Variants in LMO7 observed in about 807,000 individuals in gnomAD.
LMO7 encodes LIM domain 7, also known as LIM domain only protein 7.
In LMO7, 120 loss-of-function variants were observed where a neutral mutation model predicts 206.5. That is an observed-to-expected ratio of 0.58 (90% CI 0.50 to 0.68). The LOEUF is 0.68. Ranked by LOEUF, LMO7 falls within the 30% of genes least tolerant of loss-of-function variation. The probability of loss-of-function intolerance (pLI) is 0.00; values close to 1 mark genes in which losing one functional copy is unlikely to be tolerated. For missense variants in LMO7, 1,959 were observed against 1,957.9 expected (o/e 1.00, Z -0.01); for synonymous variants, 706 against 681.5 (o/e 1.04, Z -0.56).
At chr13:75,821,639 G>C (rs1566545323) in intron 14 of LMO7, 30 bp downstream of exon 14, 3 of 1,513,112 alleles carry the variant, frequency 2.0e-6, no homozygotes, top group Non-Finnish European at 1.8e-6. Flanking sequence ...CATTTAGTCT[G>C]TTCTGAAGAG....
intron 4 of LMO7, among the ~76,000 whole-genome samples, chr13:75,782,474 G>A (rs540173084): frequency 3.3e-5 from 5 of 152,318 alleles, no homozygotes; most frequent in South Asian, 4.1e-4. Context: ...AACTGCATTG[G>A]TGATAAAATT....
intron 1 of LMO7, among the ~76,000 whole-genome samples, chr13:75,699,389 T>C (rs1210907056): frequency 6.8e-6 from 1 of 146,740 alleles, no homozygotes; most frequent in Non-Finnish European, 1.5e-5. Flanking sequence ...TTCTTTACAA[T>C]TTCCAAGATA....
intron 1 of LMO7, chr13:75,688,543 T>C (rs1476519908): frequency 6.6e-6 from 1 of 152,396 alleles, no homozygotes; most frequent in Non-Finnish European, 1.5e-5. Flanking sequence ...TGAAGAAGGC[T>C]GGCCAAGATA....
At chr13:75,852,273 C>T (rs367612435) in intron 27 of LMO7, among the ~76,000 whole-genome samples, 11 of 152,132 alleles carry the variant, frequency 7.2e-5, no homozygotes, top group Admixed American at 4.6e-4. Context: ...CACTTGTAAG[C>T]GGGAGCTAAA....
intron 19 of LMO7, among the ~76,000 whole-genome samples, chr13:75,837,432 G>C (rs753455891): frequency 2.0e-4 from 30 of 152,148 alleles, no homozygotes; most frequent in Non-Finnish European, 4.0e-4. Flanking sequence ...CTATACGTGG[G>C]CCCTGTCATT....
At chr13:75,751,351 A>G (rs929456710) in intron 3 of LMO7, among the ~76,000 whole-genome samples, 2 of 151,700 alleles carry the variant, frequency 1.3e-5, no homozygotes, top group Non-Finnish European at 2.9e-5. Context: ...TAGTAGAGAC[A>G]GGGTTTCACC....
rs34127474 is a variant in LMO7 at position 75,847,029 on chromosome 13, C to CAA, written c.4150+1667_4150+1668dup. 1.9e-3 allele frequency among the ~76,000 whole-genome samples: 217 copies of CAA among 112,424 alleles called. 2 individuals are homozygous for CAA. The highest frequency in any genetic ancestry group is 5.9e-3 in the African/African-American group (173 of 29,224). 73.8% of individuals were successfully genotyped at this position (112,424 alleles called of 152,430 possible). On this transcript the variant is annotated intron_variant, in intron 26 of 30. Transcript: ENST00000377534. Reference sequence around the variant, plus strand: ...CTGGGTGACGGAGCAGACTCTGTCTCAAAAAAAAAAAAAAAAAAGGCAACA... The same window carrying CAA: ...CTGGGTGACGGAGCAGACTCTGTCTCAAAAAAAAAAAAAAAAAAAAGGCAACA...
chr13:75,679,907 TTTTTA>T (rs925858322), intron 1 of LMO7, among the ~76,000 whole-genome samples: 9 of 152,136 alleles, frequency 5.9e-5, no homozygotes, highest in East Asian at 1.9e-4. Context: ...TTTAAAAAAA[TTTTTA>T]TTTTATTTTA....
intron 27 of LMO7, among the ~76,000 whole-genome samples, chr13:75,849,691 T>G (rs759376253): frequency 3.0e-4 from 46 of 152,272 alleles, no homozygotes; most frequent in Non-Finnish European, 5.3e-4. Flanking sequence ...TTTATATTTC[T>G]AATGAGATAA....
intron 15 of LMO7, among the ~76,000 whole-genome samples, chr13:75,824,720 G>A (rs1248691740): frequency 2.6e-5 from 4 of 151,948 alleles, no homozygotes; most frequent in African/African-American, 4.8e-5. Flanking sequence ...CTTTGGCTTG[G>A]TTTAGTATTC....
chr13:75,642,698 A>G (rs1290061404), intron 1 of LMO7, among the ~76,000 whole-genome samples: 2 of 152,224 alleles, frequency 1.3e-5, no homozygotes, highest in Non-Finnish European at 2.9e-5. Context: ...GATACACATT[A>G]TAAAGATACC....
intron 4 of LMO7, among the ~76,000 whole-genome samples, chr13:75,784,401 A>G (rs1413002304): frequency 1.2e-4 from 18 of 152,126 alleles, no homozygotes; most frequent in Non-Finnish European, 1.5e-5. Context: ...AGGGTTTGGA[A>G]TCTCATTTGG....
chr13:75,670,192 A>G (rs1000873576), intron 1 of LMO7, among the ~76,000 whole-genome samples: 1 of 152,206 alleles, frequency 6.6e-6, no homozygotes, highest in Non-Finnish European at 1.5e-5. Context: ...ATGAATTAGT[A>G]TGGGAATCAG....
In LMO7 at chr13:75,623,322, T is replaced by C. The variant is rs7982750; in HGVS notation, c.225+2T>C. The C allele has an allele frequency of 0.011, 15,233 of 1,392,994 alleles. 1,163 individuals are homozygous for C. In the African/African-American group the frequency reaches 0.18, roughly 16 times the overall value. 86.3% of individuals were successfully genotyped at this position (1,392,994 alleles called of 1,614,324 possible). A position where few individuals can be genotyped will look rare whatever the true frequency, so the allele number is the denominator to read the frequency against. ...TCAGGAAGGACTATTCTCATTAAGGTAATATTTTTCTGTATTTTCTAAGGC... is the reference window on the plus strand; with the variant it reads ...TCAGGAAGGACTATTCTCATTAAGGCAATATTTTTCTGTATTTTCTAAGGC... On this transcript the variant is annotated splice_donor_variant, in intron 2 of 29. Coordinates refer to the LMO7 transcript ENST00000341547. LOFTEE classifies it high-confidence loss of function.
At chr13:75,639,185 C>T (rs2036266945) in intron 1 of LMO7, among the ~76,000 whole-genome samples, 1 of 152,110 alleles carries the variant, frequency 6.6e-6, no homozygotes, top group Non-Finnish European at 1.5e-5. Context: ...GTGTTATTCT[C>T]ACAACCAAAG....
chr13:75,845,484 A>C lies in LMO7; in HGVS notation c.4150+105A>C, dbSNP rs975258544. 3.7e-5 allele frequency: 24 copies of C among 644,642 alleles called. No individual in the cohort carries two copies. In the African/African-American group the frequency reaches 4.6e-4, roughly 12 times the overall value. 39.9% of individuals were successfully genotyped at this position (644,642 alleles called of 1,614,324 possible). A position where few individuals can be genotyped will look rare whatever the true frequency, so the allele number is the denominator to read the frequency against. The stretch of plus-strand genomic sequence containing the variant: ...AAGATATTTCAGATTCATTAAGATT[A>C]CTTAATTAAAATACTTAGTATTTTA... On this transcript the variant is annotated intron_variant, in intron 26 of 30. Coordinates refer to ENST00000377534, the MANE Select transcript of LMO7 (RefSeq NM_001306080.2).
At chr13:75,774,962 C>T (rs762311303) in intron 4 of LMO7, among the ~76,000 whole-genome samples, 7 of 151,738 alleles carry the variant, frequency 4.6e-5, no homozygotes, top group African/African-American at 7.3e-5. Flanking sequence ...AAAAATAATG[C>T]GAGGTGATAA....
In LMO7 at chr13:75,666,074, G is replaced by A. The variant is rs187287253; in HGVS notation, c.69+29348G>A. On this transcript the variant is annotated intron_variant, in intron 1 of 30. Transcript: ENST00000377534. ...ATTCTAATGTTTTCTGACTGCACTTGGAGTCAGAGGAAACTTTTAAATTTT... is the reference window on the plus strand; with the variant it reads ...ATTCTAATGTTTTCTGACTGCACTTAGAGTCAGAGGAAACTTTTAAATTTT... 6.5e-4 allele frequency among the ~76,000 whole-genome samples: 99 copies of A among 152,270 alleles called. 1 individual carries two copies. The highest frequency in any genetic ancestry group is 2.3e-3 in the African/African-American group (96 of 41,554).
intron 13 of LMO7, among the ~76,000 whole-genome samples, chr13:75,819,752 A>T (rs575492211): frequency 6.6e-6 from 1 of 152,344 alleles, no homozygotes; most frequent in South Asian, 2.1e-4. Flanking sequence ...ATGAGGACTT[A>T]AAATAGGTGT....
Sources: gnomAD v4.1 joint callset for allele counts (sites outside exome capture counted in the v4.1 genomes callset) on GRCh38, gnomAD v4.1.1 for gene constraint, MANE v1.5 for transcripts, NCBI Gene and HGNC (gene_info 2026-07-23, HGNC 2026-07-21) for gene names.